ARMH4: variants seen among roughly 807,000 people sequenced by gnomAD.
ARMH4 encodes the protein armadillo like helical domain containing 4, also known as armadillo-like helical domain-containing protein 4.
In ARMH4, 49 loss-of-function variants were observed where a neutral mutation model predicts 61.9. That is an observed-to-expected ratio of 0.79 (90% CI 0.63 to 1.00). The LOEUF is 1.00. ARMH4 is among the 50% of genes least tolerant of loss of function. ARMH4 has a pLI of 0.00. For missense variants in ARMH4, 934 were observed against 930.0 expected (o/e 1.00, Z -0.06); for synonymous variants, 368 against 341.5 (o/e 1.08, Z -0.85).
chr14:58,069,199 T>C (rs1884801079), intron 5 of ARMH4, among the ~76,000 whole-genome samples: 1 of 152,142 alleles, frequency 6.6e-6, no homozygotes, highest in Non-Finnish European at 1.5e-5. Flanking sequence ...GACATTTCCA[T>C]TGAGATAAGA....
intron 7 of ARMH4, 107 bp downstream of exon 7, chr14:58,004,941 G>C (rs986701197): frequency 7.1e-6 from 11 of 1,555,640 alleles, no homozygotes; most frequent in South Asian, 2.3e-5. Flanking sequence ...CACTGGGCAC[G>C]TCAATACCAC....
At chr14:58,026,795 T>C (rs1391531745) in intron 5 of ARMH4, among the ~76,000 whole-genome samples, 1 of 152,142 alleles carries the variant, frequency 6.6e-6, no homozygotes, top group Non-Finnish European at 1.5e-5. Flanking sequence ...TTCTCCTTTA[T>C]ATAAATTTGG....
At chr14:58,045,186 A>G (rs138406727) in intron 5 of ARMH4, among the ~76,000 whole-genome samples, 3,591 of 152,320 alleles carry the variant, frequency 0.024, 143 homozygotes, top group African/African-American at 0.08. Context: ...GGCACTACTC[A>G]CAATAGCAAA....
At chr14:58,124,513 A>G (rs1289062674) in intron 4 of ARMH4, among the ~76,000 whole-genome samples, 1 of 152,218 alleles carries the variant, frequency 6.6e-6, no homozygotes, top group Non-Finnish European at 1.5e-5. Context: ...TGAATGGCAT[A>G]CTGACTGCTA....
At chr14:58,094,409 T>C (rs971469041) in intron 5 of ARMH4, among the ~76,000 whole-genome samples, 10 of 151,680 alleles carry the variant, frequency 6.6e-5, no homozygotes, top group Middle Eastern at 3.4e-3. Context: ...GAGCTTTTTG[T>C]CCTAAGCCTC....
intron 5 of ARMH4, among the ~76,000 whole-genome samples, chr14:58,013,877 A>T (rs59029565): frequency 0.062 from 9,487 of 152,086 alleles, 393 homozygotes; most frequent in African/African-American, 0.11. Context: ...TACAAAAAAA[A>T]TTACCAAGGC....
At chr14:58,147,985 C>T (rs536696451) in intron 1 of ARMH4, among the ~76,000 whole-genome samples, 4 of 152,190 alleles carry the variant, frequency 2.6e-5, no homozygotes, top group Non-Finnish European at 5.9e-5. Context: ...AGTATAAACA[C>T]CATCATCAGT....
At chr14:58,016,136 C>A (rs1882604522) in intron 5 of ARMH4, among the ~76,000 whole-genome samples, 1 of 151,782 alleles carries the variant, frequency 6.6e-6, no homozygotes, top group African/African-American at 2.4e-5. Flanking sequence ...AAAGGATTAA[C>A]CATGAATGTG....
At chr14:58,107,660 A>C (rs2141281681) in intron 4 of ARMH4, among the ~76,000 whole-genome samples, 1 of 150,390 alleles carries the variant, frequency 6.6e-6, no homozygotes, top group African/African-American at 2.4e-5. Context: ...GCTACCTGGG[A>C]GGCTGATGCA....
intron 5 of ARMH4, among the ~76,000 whole-genome samples, chr14:58,049,454 T>G (rs1301771907): frequency 6.6e-6 from 1 of 152,200 alleles, no homozygotes; most frequent in Non-Finnish European, 1.5e-5. Context: ...TATTTTAGGT[T>G]ACAAAGTAAA....
intron 5 of ARMH4, among the ~76,000 whole-genome samples, chr14:58,085,589 C>A (rs1190094552): frequency 6.6e-6 from 1 of 151,988 alleles, no homozygotes; most frequent in Non-Finnish European, 1.5e-5. Flanking sequence ...CTGAATTTTC[C>A]CATAAGAAAT....
At chr14:58,075,945 A>C (rs1264366762) in intron 5 of ARMH4, among the ~76,000 whole-genome samples, 1 of 152,154 alleles carries the variant, frequency 6.6e-6, no homozygotes, top group African/African-American at 2.4e-5. Context: ...CTTATAAGTT[A>C]CCATTATAAC....
Position 58,139,001 on chromosome 14 carries a change from G to C in ARMH4, c.358C>G (p.Pro120Ala). 1 of 1,614,206 alleles carries C rather than the reference G, an allele frequency of 6.2e-7. No individual in the cohort carries two copies. The highest frequency in any genetic ancestry group is 8.5e-7 in the Non-Finnish European group (1 of 1,180,040). Residue 120 changes from proline (P) to alanine (A), a missense_variant, in exon 2 of 8, where the codon CCC becomes GCC. Coordinates refer to ENST00000267485, the MANE Select transcript of ARMH4 (RefSeq NM_001001872.4). ...GAACCAAATACTTCTTCAGCTGAGG[G>C]GACACCTGACTCAGTAGGTGTGGAA... ...GVSTPTESGVPSAEEVFGSSQ... is the reference protein window; with the variant it reads ...GVSTPTESGVASAEEVFGSSQ...
chr14:58,094,765 G>A (rs1367224506), intron 5 of ARMH4, among the ~76,000 whole-genome samples: 2 of 152,186 alleles, frequency 1.3e-5, no homozygotes, highest in Non-Finnish European at 2.9e-5. Context: ...AAGGCCAGTG[G>A]TTATCTGGGG....
intron 5 of ARMH4, among the ~76,000 whole-genome samples, chr14:58,073,328 C>G (rs1174346192): frequency 6.6e-6 from 1 of 152,146 alleles, no homozygotes; most frequent in Non-Finnish European, 1.5e-5. Context: ...TCTGTGTTAT[C>G]CTCATCACTA....
chr14:58,107,713 G>A (rs1886210061), intron 4 of ARMH4, among the ~76,000 whole-genome samples: 1 of 145,162 alleles, frequency 6.9e-6, no homozygotes, highest in Non-Finnish European at 1.5e-5. Flanking sequence ...GCAGTGAGCT[G>A]AGATTACGCC....
intron 5 of ARMH4, among the ~76,000 whole-genome samples, chr14:58,019,105 G>A (rs1223374441): frequency 6.6e-6 from 1 of 152,190 alleles, no homozygotes; most frequent in Non-Finnish European, 1.5e-5. Flanking sequence ...TGGTTACCAG[G>A]TGTAGGAGGG....
At chr14:58,060,343 C>A (rs768004250) in intron 5 of ARMH4, among the ~76,000 whole-genome samples, 6 of 152,178 alleles carry the variant, frequency 3.9e-5, no homozygotes, top group African/African-American at 7.2e-5. Flanking sequence ...GCTTCGTACT[C>A]CCCTACACTA....
At chr14:58,097,841 T>TA (rs913715522) in intron 4 of ARMH4, among the ~76,000 whole-genome samples, 24 of 152,084 alleles carry the variant, frequency 1.6e-4, no homozygotes, top group Admixed American at 2.6e-4. Flanking sequence ...ACAATGCTAG[T>TA]ATTATAGGCG....
Sources: allele counts gnomAD v4.1 joint callset (sites outside exome capture counted in the v4.1 genomes callset), GRCh38; gene constraint gnomAD v4.1.1; transcripts MANE v1.5; gene names NCBI Gene and HGNC (gene_info 2026-07-23, HGNC 2026-07-21).